The following PTTG1IP variants were observed in gnomAD, a reference collection of about 807,000 sequenced individuals.
PTTG1IP encodes PTTG1 interacting protein, also known as pituitary tumor-transforming gene 1 protein-interacting protein.
Under a neutral mutation model 24.4 loss-of-function variants are expected in PTTG1IP, and 16 were observed. That is an observed-to-expected ratio of 0.66 (90% CI 0.44 to 1.00). The LOEUF is 1.00. Ranked by LOEUF, PTTG1IP falls within the 50% of genes least tolerant of loss-of-function variation. The pLI, the probability that PTTG1IP is intolerant of heterozygous loss-of-function variation, is 0.00. For synonymous variants in PTTG1IP, 89 were observed against 96.8 expected, an observed-to-expected ratio of 0.92 and a Z score of 0.47; for missense variants, 241 against 245.8, an observed-to-expected ratio of 0.98 and a Z score of 0.13.
rs75307430 is a variant in PTTG1IP, at chr21:44,859,281, G to A, written c.277+1882C>T. On this transcript the variant is annotated intron_variant, in intron 3 of 5. Coordinates refer to ENST00000330938, the MANE Select transcript of PTTG1IP (RefSeq NM_004339.4). ...GAAGTCCAGTCAGTGGCTCCCATGG[G>A]GGTCCTGACAGGAATTGGGCCTTCT... Among the ~76,000 whole-genome samples, 41 of 152,336 alleles carry A rather than the reference G, an allele frequency of 2.7e-4. No individual in the cohort carries two copies. The South Asian group carries it at 3.1e-3, about 12-fold the overall frequency.
At chr21:44,852,182 T>C (rs994478362) in intron 5 of PTTG1IP, among the ~76,000 whole-genome samples, 1 of 151,962 alleles carries the variant, frequency 6.6e-6, no homozygotes, top group Non-Finnish European at 1.5e-5. Flanking sequence ...TCTCTCCCTT[T>C]ATTTTTTATT....
At position 44,854,406 on chromosome 21, in the gene PTTG1IP, G is replaced by A. The variant is rs575728181; in HGVS notation, c.496+804C>T. On this transcript the variant is annotated intron_variant, in intron 5 of 5. Transcript: ENST00000330938. The stretch of plus-strand genomic sequence containing the variant: ...CCATGAACCCAGGACCACGCACCTC[G>A]CACAGGCGAGGAGTCAGTTCCCACC... 7.9e-4 allele frequency among the ~76,000 whole-genome samples: 121 copies of A among 152,234 alleles called. No homozygotes were observed. The South Asian group carries it at 9.1e-3, about 11-fold the overall frequency.
intron 5 of PTTG1IP, among the ~76,000 whole-genome samples, chr21:44,853,323 C>T (rs1422675413): frequency 6.6e-6 from 1 of 152,060 alleles, no homozygotes; most frequent in Admixed American, 6.5e-5. Flanking sequence ...CTGGCTAACA[C>T]AGTGAAACCC....
intron 5 of PTTG1IP, 77 bp downstream of exon 5, chr21:44,855,133 C>T: frequency 6.9e-7 from 1 of 1,459,646 alleles, no homozygotes; most frequent in South Asian, 1.2e-5. Context: ...TCTCAGGCCA[C>T]ACTGGCACTA....
intron 3 of PTTG1IP, among the ~76,000 whole-genome samples, chr21:44,859,594 A>G (rs1042422248): frequency 2.0e-5 from 3 of 152,202 alleles, no homozygotes; most frequent in Non-Finnish European, 2.9e-5. Context: ...CAGGTGTTCC[A>G]AAGGGCAAGG....
intron 1 of PTTG1IP, among the ~76,000 whole-genome samples, chr21:44,866,715 C>A (rs1477169625): frequency 6.6e-6 from 1 of 150,402 alleles, no homozygotes; most frequent in Non-Finnish European, 1.5e-5. Context: ...AAACACAGTG[C>A]ACGCTGAAAA....
intron 2 of PTTG1IP, chr21:44,862,066 A>C (rs2083496062): frequency 5.4e-6 from 3 of 557,978 alleles, no homozygotes; most frequent in Non-Finnish European, 6.5e-6. Context: ...TGTGGAGACA[A>C]CACCATCACA....
Position 44,861,958 on chromosome 21 carries a change from G to C in PTTG1IP, c.169-687C>G. ...TAAGTCGCACAGCTTGAAAGATGAT[G>C]CAACTACGGCTCAGCCCGCCCTAAA... is the stretch of plus-strand genomic sequence containing the variant. On this transcript the variant is annotated intron_variant, in intron 2 of 5. Transcript: ENST00000330938. 4.5e-6 allele frequency: 3 copies of C among 665,980 alleles called. No individual in the cohort carries two copies. The South Asian group carries it at 4.9e-5, about 11-fold the overall frequency. 41.3% of individuals were successfully genotyped at this position (665,980 alleles called of 1,614,324 possible). A position where few individuals can be genotyped will look rare whatever the true frequency, so the allele number is the denominator to read the frequency against.
Position 44,852,685 on chromosome 21 carries a change from G to A in PTTG1IP, c.497-1058C>T, listed in dbSNP as rs1243793953. Among the ~76,000 whole-genome samples the A allele has an allele frequency of 2.6e-5, 4 of 152,236 alleles. No individual in the cohort carries two copies. In the East Asian group the frequency reaches 5.8e-4, roughly 22 times the overall value. ...GGCTTTGGGAGTGAGGCTCAAAGTC[G>A]GTTTTGGGAAAGAGTCATCAGATAC... On this transcript the variant is annotated intron_variant, in intron 5 of 5. Transcript: ENST00000330938.
intron 5 of PTTG1IP, 105 bp downstream of exon 5, chr21:44,855,105 G>C (rs963680153): frequency 7.3e-6 from 9 of 1,233,288 alleles, no homozygotes; most frequent in Admixed American, 1.9e-5. Flanking sequence ...TGTTCCGATG[G>C]GTGAACCCAC....
At chr21:44,868,043 G>A (rs1000185625) in intron 1 of PTTG1IP, among the ~76,000 whole-genome samples, 1 of 152,164 alleles carries the variant, frequency 6.6e-6, no homozygotes, top group Admixed American at 6.5e-5. Flanking sequence ...TGTGCTATTC[G>A]GTTTATGGAG....
At chr21:44,867,493 G>T (rs991712566) in intron 1 of PTTG1IP, among the ~76,000 whole-genome samples, 3 of 152,172 alleles carry the variant, frequency 2.0e-5, no homozygotes, top group Admixed American at 6.5e-5. Flanking sequence ...CGGCTATGTG[G>T]GTGTAACTCA....
At chr21:44,862,173 G>A (rs2083497366) in intron 2 of PTTG1IP, among the ~76,000 whole-genome samples, 1 of 152,248 alleles carries the variant, frequency 6.6e-6, no homozygotes, top group Admixed American at 6.5e-5. Flanking sequence ...CAGGCACTGA[G>A]CGTGACAGGG....
intron 2 of PTTG1IP, among the ~76,000 whole-genome samples, chr21:44,863,528 G>A (rs1004309338): frequency 6.6e-6 from 1 of 152,188 alleles, no homozygotes; most frequent in African/African-American, 2.4e-5. Flanking sequence ...ACAATGACCT[G>A]GGCAAGTCCC....
chr21:44,862,024 C>T, intron 2 of PTTG1IP: 1 of 602,888 alleles, frequency 1.7e-6, no homozygotes. Context: ...CTTGTCTGAG[C>T]CCCTTGAACG....
chr21:44,861,872 G>T, intron 2 of PTTG1IP: 1 of 717,074 alleles, frequency 1.4e-6, no homozygotes, highest in South Asian at 1.5e-5. Flanking sequence ...GGACTTGGGT[G>T]AGCATGGTCA....
At chr21:44,861,572 CTGCCAA>C (rs1290047911) in intron 2 of PTTG1IP, among the ~76,000 whole-genome samples, 2 of 152,174 alleles carry the variant, frequency 1.3e-5, no homozygotes, top group Non-Finnish European at 2.9e-5. Context: ...CTCCTGAGTG[CTGCCAA>C]CCCCACCTCA....
At chr21:44,867,034 C>T (rs2083547361) in intron 1 of PTTG1IP, among the ~76,000 whole-genome samples, 1 of 152,186 alleles carries the variant, frequency 6.6e-6, no homozygotes, top group Non-Finnish European at 1.5e-5. Flanking sequence ...CAGGAAGGCT[C>T]CGTGACAGCC....
At chr21:44,855,088 G>A (rs959532979) in intron 5 of PTTG1IP, 122 bp downstream of exon 5, 32 of 1,025,308 alleles carry the variant, frequency 3.1e-5, no homozygotes, top group African/African-American at 6.4e-5. Flanking sequence ...CTGGAGAGAC[G>A]TCCTTCTGTT....
Sources: gnomAD v4.1 joint callset for allele counts (sites outside exome capture counted in the v4.1 genomes callset) on GRCh38, gnomAD v4.1.1 for gene constraint, MANE v1.5 for transcripts, NCBI Gene and HGNC (gene_info 2026-07-23, HGNC 2026-07-21) for gene names.